The following LIPG variants were observed in gnomAD, a reference collection of about 807,000 sequenced individuals.
The protein encoded by LIPG is endothelial lipase.
LIPG carries 34 observed loss-of-function variants against 51.8 expected under a neutral mutation model. That is an observed-to-expected ratio of 0.66 (90% CI 0.50 to 0.87). LIPG has a LOEUF of 0.87. Ranked by LOEUF, LIPG falls within the 40% of genes least tolerant of loss-of-function variation. The pLI is 0.00. For missense variants in LIPG, 580 were observed against 652.7 expected, an observed-to-expected ratio of 0.89 and a Z score of 1.21; for synonymous variants, 246 against 246.1, an observed-to-expected ratio of 1.00 and a Z score of 0.00.
chr18:49,575,346 T>G (rs1249807574), intron 4 of LIPG, 23 bp from the exon 5 acceptor site: 6 of 1,608,460 alleles, frequency 3.7e-6, no homozygotes, highest in Non-Finnish European at 4.2e-6. Context: ...CCACAGCTGT[T>G]TTGGGGCCTC....
rs181379342 is a variant in LIPG, at chr18:49,588,313, C to T, written c.1481+1463C>T. 4.0e-3 allele frequency among the ~76,000 whole-genome samples: 587 copies of T among 146,088 alleles called. 5 individuals carry two copies. The highest frequency in any genetic ancestry group is 0.014 in the African/African-American group (561 of 39,372). On this transcript the variant is annotated intron_variant, in intron 9 of 9. Transcript: ENST00000261292. ...TTTTTTTTTTTTTGAGACAAAGTCT[C>T]ACTCTATCGCTCAGGCTGGAGTGCA...
At chr18:49,579,660 G>T (rs1197542605) in intron 5 of LIPG, among the ~76,000 whole-genome samples, 1 of 152,016 alleles carries the variant, frequency 6.6e-6, no homozygotes, top group Non-Finnish European at 1.5e-5. Context: ...CCCTCTCCCG[G>T]TTTAATCCAA....
rs750197905 is a variant in LIPG at position 49,562,313 on chromosome 18, G to A, written c.5G>A (p.Ser2Asn). The A allele has an allele frequency of 1.2e-6, 2 of 1,612,622 alleles. No homozygotes were observed. The highest frequency in any genetic ancestry group is 1.7e-6 in the Non-Finnish European group (2 of 1,179,982). MSNSVPLLCFWS... is the reference protein window; with the variant it reads MNNSVPLLCFWS... ...GAGGGGGTGTGGCGGGGCAGGATGA[G>A]CAACTCCGTTCCTCTGCTCTGTTTC... is the stretch of plus-strand genomic sequence containing the variant. Residue 2 changes from serine to asparagine, a missense_variant, in exon 1 of 10, where the codon AGC (serine) becomes AAC (asparagine). Ser to Asn is a conservative substitution (Grantham distance 46). Coordinates refer to ENST00000261292, the MANE Select transcript of LIPG (RefSeq NM_006033.4).
intron 6 of LIPG, among the ~76,000 whole-genome samples, chr18:49,582,056 T>C (rs2084826194): frequency 1.3e-5 from 2 of 152,312 alleles, no homozygotes; most frequent in South Asian, 4.1e-4. Context: ...GTGGGTATTA[T>C]TTTACATATG....
rs2084821710 is a variant in LIPG at position 49,581,634 on chromosome 18, C to T, written c.1013C>T (p.Thr338Ile). 1.2e-6 allele frequency: 2 copies of T among 1,613,966 alleles called. No homozygotes were observed. The highest frequency in any genetic ancestry group is 1.1e-5 in the South Asian group (1 of 91,086). ...AGGAACAGCAAAATGTACCTAAAAA[C>T]CCGGGCAGGCATGCCTTTCAGAGGT... is the stretch of plus-strand genomic sequence containing the variant. ...NKRNSKMYLK[T>I]RAGMPFRVYH... The change falls in exon 6 of 10, where the codon ACC (threonine) becomes ATC (isoleucine). Residue 338 changes from threonine to isoleucine, a missense_variant. By Grantham distance (89) the Thr-to-Ile change is moderately conservative. Transcript: ENST00000261292.
Position 49,590,622 on chromosome 18 carries a change from C to T in LIPG, c.*100C>T. ...TGAGGACCCACCCAATGGAAGGATT[C>T]TTCTCAGCCTTGACCCTGGAGCACT... On this transcript the variant is annotated 3_prime_UTR_variant, in exon 10 of 10. Coordinates refer to ENST00000261292, the MANE Select transcript of LIPG (RefSeq NM_006033.4). The T allele has an allele frequency of 3.2e-6, 4 of 1,241,586 alleles. No individual in the cohort carries two copies. In the South Asian group the frequency reaches 5.1e-5, roughly 16 times the overall value. 76.9% of individuals were successfully genotyped at this position (1,241,586 alleles called of 1,614,324 possible). A position where few individuals can be genotyped will look rare whatever the true frequency, so the allele number is the denominator to read the frequency against.
intron 9 of LIPG, among the ~76,000 whole-genome samples, chr18:49,587,384 C>G (rs1417318428): frequency 6.6e-5 from 10 of 151,680 alleles, no homozygotes; most frequent in Non-Finnish European, 1.3e-4. Context: ...TCCTGGCTAA[C>G]ACAGTGAAAC....
At chr18:49,570,332 C>T (rs997221469) in intron 4 of LIPG, among the ~76,000 whole-genome samples, 1 of 152,168 alleles carries the variant, frequency 6.6e-6, no homozygotes, top group Non-Finnish European at 1.5e-5. Flanking sequence ...TTTTCTTTCT[C>T]ATTTTTGGGC....
intron 5 of LIPG, among the ~76,000 whole-genome samples, chr18:49,579,010 GA>G (rs1166824694): frequency 0.021 from 1 of 48 alleles, no homozygotes; most frequent in African/African-American, 0.17. Flanking sequence ...TGGGGAGAGG[GA>G]GAGGGAGAGG....
upstream of LIPG, chr18:49,561,749 C>T: frequency 1.1e-5 from 14 of 1,244,344 alleles, no homozygotes; most frequent in Non-Finnish European, 1.3e-5. Flanking sequence ...ATGTCCGCCT[C>T]CGCCACTTGG....
At chr18:49,586,994 C>T (rs573008101) in intron 9 of LIPG, 144 bp downstream of exon 9, 25 of 657,606 alleles carry the variant, frequency 3.8e-5, no homozygotes, top group Non-Finnish European at 5.4e-5. Context: ...TTGGGCCGGG[C>T]GTGGTGGCTC....
At position 49,581,662 on chromosome 18, in the gene LIPG, C is replaced by A. The variant is rs763352812; in HGVS notation, c.1036+5C>A. ...GGGCAGGCATGCCTTTCAGAGGTAA[C>A]CTTCAGTCCCTGGAGTGTCCCTGAG... On this transcript the variant is annotated splice_donor_5th_base_variant and intron_variant, in intron 6 of 9. Coordinates refer to ENST00000261292, the MANE Select transcript of LIPG (RefSeq NM_006033.4). The A allele has an allele frequency of 3.1e-6, 5 of 1,612,382 alleles. No homozygotes were observed. Among genetic ancestry groups the A allele is most frequent in the East Asian group, 4.5e-5 (2 of 44,890 alleles).
At chr18:49,574,807 C>G (rs2084698712) in intron 4 of LIPG, among the ~76,000 whole-genome samples, 1 of 152,072 alleles carries the variant, frequency 6.6e-6, no homozygotes, top group South Asian at 2.1e-4. Context: ...TATTGGGTGT[C>G]CTCTTCTCTC....
Position 49,595,287 on chromosome 18 carries a change from C to G in LIPG, c.*4765C>G, listed in dbSNP as rs2084976063. 2.0e-5 allele frequency: 3 copies of G among 152,012 alleles called. No homozygotes were observed. 9.4% of individuals were successfully genotyped at this position (152,012 alleles called of 1,614,324 possible). A position where few individuals can be genotyped will look rare whatever the true frequency, so the allele number is the denominator to read the frequency against. On this transcript the variant is annotated 3_prime_UTR_variant, in exon 10 of 10. Transcript: ENST00000261292. ...AATAGATGAAATTAGATATAAGAAA[C>G]TAGGTGCTTAAACAGGCAGGAGGTA...
chr18:49,575,418 G>T lies in LIPG; in HGVS notation c.621G>T (p.Arg207Ser). 6.2e-7 allele frequency: 1 copy of T among 1,613,888 alleles called. No individual in the cohort carries two copies. Among genetic ancestry groups the T allele is most frequent in the Non-Finnish European group, 8.5e-7 (1 of 1,180,044 alleles). Residue 207 changes from arginine to serine, a missense_variant, in exon 5 of 10, where the codon AGG becomes AGT. Arg to Ser is a moderately radical substitution (Grantham distance 110). Transcript: ENST00000261292. ...PMFEGADIHK[R>S]LSPDDADFVD... ...TTGAAGGGGCCGACATCCACAAGAG[G>T]CTCTCTCCGGACGATGCAGATTTTG...
Position 49,591,818 on chromosome 18 carries a change from T to G in LIPG, c.*1296T>G, listed in dbSNP as rs754287603. On this transcript the variant is annotated 3_prime_UTR_variant, in exon 10 of 10. Transcript: ENST00000261292. The stretch of plus-strand genomic sequence containing the variant: ...TATCCCTATTTTACAAAACTGAGGC[T>G]TAGTGAGGTTCAGCCACATGCCTAG... The G allele has an allele frequency of 2.0e-5, 3 of 152,182 alleles. No individual in the cohort carries two copies. The highest frequency in any genetic ancestry group is 2.9e-5 in the Non-Finnish European group (2 of 68,034). 9.4% of individuals were successfully genotyped at this position (152,182 alleles called of 1,614,324 possible). A position where few individuals can be genotyped will look rare whatever the true frequency, so the allele number is the denominator to read the frequency against.
At position 49,598,036 on chromosome 18, in the gene LIPG, C is replaced by A. The variant is rs1367598964; in HGVS notation, c.*7514C>A. On this transcript the variant is annotated 3_prime_UTR_variant, in exon 10 of 10. Transcript: ENST00000261292. Reference sequence around the variant, plus strand: ...GTCAGTCTTACTATTCATCCTGTATCCTCTATTAGATACACAGAGCTTCTT... The same window carrying A: ...GTCAGTCTTACTATTCATCCTGTATACTCTATTAGATACACAGAGCTTCTT... 2 of 152,180 alleles carry A rather than the reference C, an allele frequency of 1.3e-5. No individual in the cohort carries two copies. The highest frequency in any genetic ancestry group is 2.9e-5 in the Non-Finnish European group (2 of 68,034). 9.4% of individuals were successfully genotyped at this position (152,180 alleles called of 1,614,324 possible).
In LIPG at chr18:49,582,437, C is replaced by T. The variant is rs2084829938; in HGVS notation, c.1112C>T (p.Thr371Ile). The T allele has an allele frequency of 6.2e-7, 1 of 1,614,180 alleles. No homozygotes were observed. The highest frequency in any genetic ancestry group is 8.5e-7 in the Non-Finnish European group (1 of 1,180,008). ...MGEIEPTFYV[T>I]LYGTNADSQT... ...GAAATTGAGCCCACCTTTTACGTCA[C>T]CCTTTATGGCACTAATGCAGATTCC... Residue 371 changes from threonine to isoleucine, a missense_variant, in exon 7 of 10, where the codon ACC (threonine) becomes ATC (isoleucine). By Grantham distance (89) the Thr-to-Ile change is moderately conservative. Transcript: ENST00000261292.
At chr18:49,579,610 G>C (rs2084791568) in intron 5 of LIPG, among the ~76,000 whole-genome samples, 3 of 152,004 alleles carry the variant, frequency 2.0e-5, no homozygotes, top group African/African-American at 7.3e-5. Context: ...CCACTCTGAT[G>C]CTGTGCCCTC....
Sources: allele counts gnomAD v4.1 joint callset (sites outside exome capture counted in the v4.1 genomes callset), GRCh38; gene constraint gnomAD v4.1.1; transcripts MANE v1.5; gene names NCBI Gene and HGNC (gene_info 2026-07-23, HGNC 2026-07-21).